Variants in PHLPP1 observed in about 807,000 individuals in gnomAD.
PHLPP1 encodes PH domain and leucine rich repeat protein phosphatase 1.
Under a neutral mutation model 117.2 loss-of-function variants are expected in PHLPP1, and 42 were observed. The ratio of observed to expected loss-of-function variants is 0.36; its 90% CI spans 0.28 to 0.46. The LOEUF (loss-of-function observed/expected upper bound fraction) is 0.46, where lower values mean the gene tolerates loss of function less well. Among genes scored for constraint, PHLPP1 ranks in the 20% least tolerant of loss-of-function variants. PHLPP1 has a pLI of 1.00. For synonymous variants in PHLPP1, 1,042 were observed against 970.7 expected, an observed-to-expected ratio of 1.07 and a Z score of -1.37; for missense variants, 2,084 against 2,241.9, an observed-to-expected ratio of 0.93 and a Z score of 1.42.
At chr18:62,874,966 T>C (rs897772008) in intron 4 of PHLPP1, among the ~76,000 whole-genome samples, 3 of 151,900 alleles carry the variant, frequency 2.0e-5, no homozygotes, top group African/African-American at 7.2e-5. Context: ...TTATGATTAT[T>C]ATATTTGAGA....
At chr18:62,719,215 T>A (rs1910845948) in intron 1 of PHLPP1, among the ~76,000 whole-genome samples, 1 of 152,222 alleles carries the variant, frequency 6.6e-6, no homozygotes, top group Admixed American at 6.5e-5. Context: ...CACCCTATTC[T>A]TGAACATGAA....
chr18:62,715,986 C>T lies in PHLPP1; in HGVS notation c.303C>T (p.Pro101=). The T allele has an allele frequency of 1.5e-6, 2 of 1,336,524 alleles. No homozygotes were observed. The highest frequency in any genetic ancestry group is 3.2e-5 in the East Asian group (1 of 31,728). The allele number at this position is 1,336,524 out of a possible 1,614,324, so 82.8% of individuals were successfully genotyped here. ...GGAGGCGGCGCGGGGCGCCCCAGCCCATTGCCGGCGGGGCTGCCCCCGTAC... is the reference window on the plus strand; with the variant it reads ...GGAGGCGGCGCGGGGCGCCCCAGCCTATTGCCGGCGGGGCTGCCCCCGTAC... ...GRRRRRGAPQ[P]IAGGAAPVPG... Residue 101 remains proline, a synonymous_variant, in exon 1 of 17, where the codon CCC becomes CCT. Transcript: ENST00000262719.
intron 4 of PHLPP1, among the ~76,000 whole-genome samples, chr18:62,872,553 G>A (rs542270425): frequency 5.9e-5 from 9 of 151,702 alleles, no homozygotes; most frequent in South Asian, 4.2e-4. Context: ...ATTAGCCAGT[G>A]TGGTGGTGGG....
At chr18:62,793,930 T>C (rs1316208802) in intron 1 of PHLPP1, among the ~76,000 whole-genome samples, 3 of 152,238 alleles carry the variant, frequency 2.0e-5, no homozygotes, top group African/African-American at 4.8e-5. Context: ...ACTGAAATTA[T>C]ACAAGTTTGG....
At chr18:62,829,739 G>A (rs977559484) in intron 1 of PHLPP1, among the ~76,000 whole-genome samples, 2 of 151,850 alleles carry the variant, frequency 1.3e-5, no homozygotes, top group African/African-American at 4.8e-5. Flanking sequence ...GTGACAGAGC[G>A]AAACTCCATC....
chr18:62,894,990 T>C (rs746653776), intron 4 of PHLPP1, 21 bp from the exon 5 acceptor site: 2 of 1,564,690 alleles, frequency 1.3e-6, no homozygotes, highest in South Asian at 1.2e-5. Flanking sequence ...TTTTCCCTTT[T>C]GTTTTGCTTT....
At chr18:62,931,487 A>T (rs938699065) in intron 10 of PHLPP1, among the ~76,000 whole-genome samples, 1 of 151,962 alleles carries the variant, frequency 6.6e-6, no homozygotes, top group African/African-American at 2.4e-5. Flanking sequence ...AAATAACTAA[A>T]ATCAGAGGAG....
At chr18:62,912,087 G>A (rs1334911924) in intron 8 of PHLPP1, among the ~76,000 whole-genome samples, 1 of 116,728 alleles carries the variant, frequency 8.6e-6, no homozygotes, top group African/African-American at 3.3e-5. Context: ...TCACTCATAG[G>A]TGGGAATTGA....
intron 3 of PHLPP1, among the ~76,000 whole-genome samples, chr18:62,847,503 G>A (rs1915211701): frequency 6.6e-6 from 1 of 151,372 alleles, no homozygotes; most frequent in East Asian, 1.9e-4. Context: ...TCTGTATAAT[G>A]TTATCTTTAA....
intron 1 of PHLPP1, among the ~76,000 whole-genome samples, chr18:62,746,100 A>G (rs968006433): frequency 1.7e-4 from 26 of 152,132 alleles, no homozygotes; most frequent in African/African-American, 6.0e-4. Flanking sequence ...CTGGAGTGCA[A>G]TGGCGTGATC....
intron 13 of PHLPP1, among the ~76,000 whole-genome samples, chr18:62,959,829 AT>A (rs887521438): frequency 9.2e-5 from 14 of 152,300 alleles, no homozygotes; most frequent in Middle Eastern, 3.4e-3. Flanking sequence ...ATTTGTTGGC[AT>A]TTTAGTACTT....
intron 1 of PHLPP1, among the ~76,000 whole-genome samples, chr18:62,774,742 G>A (rs1283963119): frequency 6.6e-6 from 1 of 151,824 alleles, no homozygotes; most frequent in African/African-American, 2.4e-5. Flanking sequence ...AACATTGTGG[G>A]CTCATTCTTT....
intron 4 of PHLPP1, chr18:62,889,459 A>G (rs1434715706): frequency 6.6e-6 from 1 of 152,228 alleles, no homozygotes; most frequent in Non-Finnish European, 1.5e-5. Context: ...ATGTCCTGGA[A>G]ACACAGATTC....
At chr18:62,738,408 A>T (rs764317337) in intron 1 of PHLPP1, among the ~76,000 whole-genome samples, 12 of 152,226 alleles carry the variant, frequency 7.9e-5, no homozygotes, top group Non-Finnish European at 1.5e-4. Context: ...AAAATAATAA[A>T]AAAATGCAGT....
chr18:62,723,522 A>G (rs899933457), intron 1 of PHLPP1, among the ~76,000 whole-genome samples: 2 of 152,176 alleles, frequency 1.3e-5, no homozygotes, highest in Non-Finnish European at 1.5e-5. Flanking sequence ...GTTGCTCTCT[A>G]TTTCTTCTGA....
intron 14 of PHLPP1, among the ~76,000 whole-genome samples, chr18:62,968,329 T>C (rs1264283002): frequency 6.6e-6 from 1 of 152,150 alleles, no homozygotes. Flanking sequence ...ATTGGTAATA[T>C]AGCCTTCTTA....
Position 62,716,361 on chromosome 18 carries a change from G to A in PHLPP1, c.678G>A (p.Thr226=), listed in dbSNP as rs1025497537. The A allele has an allele frequency of 2.0e-6, 3 of 1,491,816 alleles. No individual in the cohort carries two copies. The highest frequency in any genetic ancestry group is 1.4e-5 in the African/African-American group (1 of 68,966). The allele number at this position is 1,491,816 out of a possible 1,614,324, so 92.4% of individuals were successfully genotyped here. ...CGGTGCTCTGCACACTGGACACCAC[G>A]GCCGGCGAGGTGGCCGCCCGCCTGC... is the stretch of plus-strand genomic sequence containing the variant. ...LRPVLCTLDT[T]AGEVAARLLQ... Residue 226 remains threonine (T), a synonymous_variant, in exon 1 of 17, where the codon ACG becomes ACA. Coordinates refer to ENST00000262719, the MANE Select transcript of PHLPP1 (RefSeq NM_194449.4). This position sits in a 1 kb window ranked among gnomAD's most constrained non-coding sequence, Gnocchi z 5.7.
At chr18:62,771,973 G>A (rs1309432981) in intron 1 of PHLPP1, among the ~76,000 whole-genome samples, 1 of 152,180 alleles carries the variant, frequency 6.6e-6, no homozygotes, top group Non-Finnish European at 1.5e-5. Context: ...GGGACATTCA[G>A]CCTGTATGAT....
Position 62,895,168 on chromosome 18 carries a change from C to T in PHLPP1, c.2213+11C>T, listed in dbSNP as rs1352406689. On this transcript the variant is annotated intron_variant, in intron 5 of 16. Transcript: ENST00000262719. ...TGGAGTGATGCACAAGTGTGTACTT[C>T]AAACCCCACTGGCGGGTATATCCAG... The T allele has an allele frequency of 2.5e-6, 4 of 1,611,750 alleles. No individual in the cohort carries two copies. In the Admixed American group the frequency reaches 6.7e-5, roughly 27 times the overall value.
Sources: gnomAD v4.1 joint callset for allele counts (sites outside exome capture counted in the v4.1 genomes callset) on GRCh38, gnomAD v4.1.1 for gene constraint, Gnocchi (gnomAD v3.1) non-coding constraint, MANE v1.5 for transcripts, NCBI Gene and HGNC (gene_info 2026-07-23, HGNC 2026-07-21) for gene names.